Variants in FDX1 observed in about 807,000 individuals in gnomAD.
FDX1 encodes the protein ferredoxin 1.
FDX1 carries 9 observed loss-of-function variants against 14.9 expected under a neutral mutation model. The observed-to-expected ratio is 0.60, with a 90% CI of 0.36 to 1.05. The LOEUF is 1.05. Ranked by LOEUF, FDX1 falls within the 50% of genes least tolerant of loss-of-function variation. The pLI is 0.01. For synonymous variants in FDX1, 92 were observed against 99.4 expected (o/e 0.93, Z 0.44); for missense variants, 204 against 237.2 (o/e 0.86, Z 0.92).
Position 110,462,443 on chromosome 11 carries a change from C to T in FDX1, c.530C>T (p.Ser177Phe). ...VPETVADARQ[S>F]IDVGKTS ...GAAACAGTGGCTGATGCCAGACAAT[C>T]CATTGATGTGGGCAAGACCTCCTGA... Residue 177 changes from serine (S) to phenylalanine (F), a missense_variant, in exon 4 of 4, where the codon TCC (serine) becomes TTC (phenylalanine). Coordinates refer to ENST00000260270, the MANE Select transcript of FDX1 (RefSeq NM_004109.5). 2 of 1,558,534 alleles carry T rather than the reference C, an allele frequency of 1.3e-6. No individual in the cohort carries two copies. Among genetic ancestry groups the T allele is most frequent in the African/African-American group, 1.4e-5 (1 of 73,976 alleles).
intron 3 of FDX1, among the ~76,000 whole-genome samples, chr11:110,460,994 T>G (rs1259801040): frequency 6.6e-6 from 1 of 152,198 alleles, no homozygotes; most frequent in Admixed American, 6.5e-5. Flanking sequence ...ATGAGTACAT[T>G]AATAAAACCA....
chr11:110,463,038 G>A lies in FDX1; in HGVS notation c.*570G>A, dbSNP rs13075. ...CTGCTTAACTTCAAAGATAGTTATT[G>A]ACCTTATAAATAAATATTTCAAAAT... On this transcript the variant is annotated 3_prime_UTR_variant, in exon 4 of 4. Transcript: ENST00000260270. 0.18 allele frequency: 27,304 copies of A among 152,166 alleles called. 2,559 individuals are homozygous for A. The highest frequency in any genetic ancestry group is 0.26 in the East Asian group (1,369 of 5,180). The allele number at this position is 152,166 out of a possible 1,614,324, so 9.4% of individuals were successfully genotyped here.
At chr11:110,441,071 C>G (rs980424333) in intron 2 of FDX1, among the ~76,000 whole-genome samples, 15 of 152,222 alleles carry the variant, frequency 9.9e-5, no homozygotes, top group African/African-American at 3.6e-4. Flanking sequence ...TGCACAAGCT[C>G]TCTGCATGCC....
At chr11:110,458,169 A>C (rs1488242910) in intron 3 of FDX1, among the ~76,000 whole-genome samples, 2 of 152,228 alleles carry the variant, frequency 1.3e-5, no homozygotes, top group Non-Finnish European at 2.9e-5. Flanking sequence ...ATACAGTTAC[A>C]ATTTGTAGAT....
chr11:110,453,286 C>T (rs1037220636), intron 2 of FDX1, among the ~76,000 whole-genome samples: 11 of 152,010 alleles, frequency 7.2e-5, no homozygotes, highest in Admixed American at 4.6e-4. Context: ...TGCCGTGAGC[C>T]GAGATCGCAC....
chr11:110,430,329 C>A, intron 1 of FDX1, 24 bp downstream of exon 1: 1 of 1,183,150 alleles, frequency 8.5e-7, no homozygotes, highest in South Asian at 4.2e-5. Flanking sequence ...CGGGCGCGAT[C>A]GCCGGCGCGG....
At chr11:110,461,671 C>G (rs1223328217) in intron 3 of FDX1, among the ~76,000 whole-genome samples, 1 of 151,792 alleles carries the variant, frequency 6.6e-6, no homozygotes, top group African/African-American at 2.4e-5. Context: ...TCTTTTTAGA[C>G]TATTTTGAAA....
At chr11:110,438,301 T>C (rs1384365919) in intron 2 of FDX1, among the ~76,000 whole-genome samples, 1 of 152,246 alleles carries the variant, frequency 6.6e-6, no homozygotes, top group Non-Finnish European at 1.5e-5. Flanking sequence ...CTGTAATTTT[T>C]TGACTTTTTA....
intron 2 of FDX1, among the ~76,000 whole-genome samples, chr11:110,438,958 C>G (rs1019921610): frequency 3.9e-5 from 6 of 152,070 alleles, no homozygotes; most frequent in African/African-American, 1.2e-4. Context: ...GGCTAGAGTG[C>G]AATGATGTGA....
rs1342574896 is a variant in FDX1 at position 110,462,474 on chromosome 11, A to G, written c.*6A>G. Reference sequence around the variant, plus strand: ...ATGTGGGCAAGACCTCCTGAACTAGAACAAATAGGAATATTTTCATGGAAT... The same window carrying G: ...ATGTGGGCAAGACCTCCTGAACTAGGACAAATAGGAATATTTTCATGGAAT... On this transcript the variant is annotated 3_prime_UTR_variant, in exon 4 of 4. Coordinates refer to ENST00000260270, the MANE Select transcript of FDX1 (RefSeq NM_004109.5). 16 of 1,246,908 alleles carry G rather than the reference A, an allele frequency of 1.3e-5. No individual in the cohort carries two copies. The Admixed American group carries it at 2.8e-4, about 22-fold the overall frequency. The allele number at this position is 1,246,908 out of a possible 1,614,324, so 77.2% of individuals were successfully genotyped here.
chr11:110,461,636 ATTC>A (rs1946557583), intron 3 of FDX1, among the ~76,000 whole-genome samples: 1 of 150,238 alleles, frequency 6.7e-6, no homozygotes, highest in African/African-American at 2.4e-5. Flanking sequence ...TTCTTTCTGT[ATTC>A]TTCTTCATTT....
chr11:110,458,982 T>C (rs1485876259), intron 3 of FDX1, among the ~76,000 whole-genome samples: 1 of 152,202 alleles, frequency 6.6e-6, no homozygotes, highest in Non-Finnish European at 1.5e-5. Context: ...CATTGTTTTT[T>C]TCATACTGGT....
chr11:110,430,875 G>T (rs748848589), intron 1 of FDX1, among the ~76,000 whole-genome samples: 1 of 152,194 alleles, frequency 6.6e-6, no homozygotes, highest in Non-Finnish European at 1.5e-5. Context: ...AGTGTTGAAA[G>T]CCCCTGCGTT....
chr11:110,456,509 C>CTTTTTTTTTTTTTTTTT (rs11463993), intron 2 of FDX1, among the ~76,000 whole-genome samples: 62 of 83,804 alleles, frequency 7.4e-4, no homozygotes, highest in East Asian at 2.0e-3. Context: ...TTTATGTATT[C>CTTTTTTTTTTTTTTTTT]TTTTTTTTTT....
intron 2 of FDX1, among the ~76,000 whole-genome samples, chr11:110,451,057 C>A (rs1217081316): frequency 1.3e-5 from 2 of 151,690 alleles, no homozygotes; most frequent in Non-Finnish European, 2.9e-5. Context: ...ACTTTTATAT[C>A]CTTTATTCTT....
chr11:110,430,383 C>A, intron 1 of FDX1, 78 bp downstream of exon 1: 1 of 1,024,444 alleles, frequency 9.8e-7, no homozygotes, highest in Non-Finnish European at 1.2e-6. Flanking sequence ...TGGGCCGAGT[C>A]TCTGGTTCCA....
chr11:110,443,818 T>G (rs1161270639), intron 2 of FDX1, among the ~76,000 whole-genome samples: 3 of 152,028 alleles, frequency 2.0e-5, no homozygotes, highest in African/African-American at 7.2e-5. Flanking sequence ...CTCTGATGAT[T>G]AGTGATGTGG....
chr11:110,460,206 G>C (rs185789368), intron 3 of FDX1, among the ~76,000 whole-genome samples: 11 of 146,658 alleles, frequency 7.5e-5, no homozygotes, highest in Non-Finnish European at 1.0e-4. Context: ...AAGAACTCTT[G>C]ATAGAGGGGA....
chr11:110,445,361 A>G (rs1224629645), intron 2 of FDX1, among the ~76,000 whole-genome samples: 1 of 152,100 alleles, frequency 6.6e-6, no homozygotes, highest in Non-Finnish European at 1.5e-5. Context: ...AAGTTTTTAA[A>G]AGTATTTTTT....
Sources: allele counts gnomAD v4.1 joint callset (sites outside exome capture counted in the v4.1 genomes callset), GRCh38; gene constraint gnomAD v4.1.1; transcripts MANE v1.5; gene names NCBI Gene and HGNC (gene_info 2026-07-23, HGNC 2026-07-21).